The following ATP8B1 variants were observed in gnomAD, a reference collection of about 807,000 sequenced individuals.
ATP8B1 encodes the protein ATPase phospholipid transporting 8B1.
A neutral mutation model predicts 149.9 loss-of-function variants in ATP8B1; 80 were observed. The ratio of observed to expected loss-of-function variants is 0.53; its 90% CI spans 0.45 to 0.64. ATP8B1 has a LOEUF of 0.64. Ranked by LOEUF, ATP8B1 falls within the 30% of genes least tolerant of loss-of-function variation. ATP8B1 has a pLI of 0.00. For missense variants in ATP8B1, 1,247 were observed against 1,552.6 expected (o/e 0.80, Z 3.31); for synonymous variants, 536 against 562.8 (o/e 0.95, Z 0.67).
At chr18:57,709,997 C>CTT (rs60041581) in intron 2 of ATP8B1, among the ~76,000 whole-genome samples, 13 of 141,846 alleles carry the variant, frequency 9.2e-5, no homozygotes, top group East Asian at 4.1e-4. Context: ...CTTTTCTTTT[C>CTT]TTTTTTTTTT....
chr18:57,740,429 G>A (rs990430435), intron 1 of ATP8B1: 4 of 151,748 alleles, frequency 2.6e-5, no homozygotes, highest in Admixed American at 2.0e-4. Flanking sequence ...TATGCTATAC[G>A]TGTTTCTTAT....
intron 26 of ATP8B1, 28 bp downstream of exon 26, chr18:57,652,006 T>C: frequency 1.2e-6 from 2 of 1,602,748 alleles, no homozygotes; most frequent in Non-Finnish European, 1.7e-6. Context: ...TGTCTGTACA[T>C]TTATTTTTGG....
At chr18:57,751,453 T>TG (rs2080018188) in intron 1 of ATP8B1, among the ~76,000 whole-genome samples, 1 of 134,270 alleles carries the variant, frequency 7.4e-6, no homozygotes, top group African/African-American at 2.6e-5. Context: ...GATGCTGTCT[T>TG]GAAAAAAAAA....
rs944236457 is a variant in ATP8B1 at position 57,711,079 on chromosome 18, A to T, written c.182-4492T>A. Among the ~76,000 whole-genome samples, 10 of 152,314 alleles carry T rather than the reference A, an allele frequency of 6.6e-5. No homozygotes were observed. The East Asian group carries it at 1.7e-3, about 26-fold the overall frequency. On this transcript the variant is annotated intron_variant, in intron 2 of 27. Transcript: ENST00000648908. ...GGATGACATTCTAGGTTCAAAAGAG[A>T]GCAGAGAAACAGACACTCTGAGGTA...
At chr18:57,695,947 T>G (rs531357956) in intron 8 of ATP8B1, among the ~76,000 whole-genome samples, 1 of 152,194 alleles carries the variant, frequency 6.6e-6, no homozygotes, top group Non-Finnish European at 1.5e-5. Flanking sequence ...TTTTCCAGAG[T>G]GAATAACTGG....
At chr18:57,779,228 T>C (rs1367614064) in intron 1 of ATP8B1, among the ~76,000 whole-genome samples, 1 of 151,778 alleles carries the variant, frequency 6.6e-6, no homozygotes, top group Non-Finnish European at 1.5e-5. Context: ...AGTGAGAGGA[T>C]TGCTTGAGCC....
At chr18:57,680,508 C>T (rs1451006567) in intron 15 of ATP8B1, among the ~76,000 whole-genome samples, 7 of 151,020 alleles carry the variant, frequency 4.6e-5, no homozygotes, top group South Asian at 2.1e-4. Flanking sequence ...TGATTAAACC[C>T]GGGAGACGGA....
intron 14 of ATP8B1, 46 bp downstream of exon 14, chr18:57,685,026 T>C (rs771543188): frequency 1.2e-6 from 2 of 1,608,078 alleles, no homozygotes; most frequent in Non-Finnish European, 1.7e-6. Context: ...GCTGGGACCC[T>C]GACATCCCCA....
At chr18:57,680,818 C>T (rs1177721068) in intron 15 of ATP8B1, among the ~76,000 whole-genome samples, 1 of 152,060 alleles carries the variant, frequency 6.6e-6, no homozygotes, top group Non-Finnish European at 1.5e-5. Flanking sequence ...GACTCTCACA[C>T]CCGTGATGCG....
Position 57,654,924 on chromosome 18 carries a change from C to T in ATP8B1, c.2931+270G>A, listed in dbSNP as rs369816150. Reference sequence around the variant, plus strand: ...CTGATCTCAAACTCCCGACTTCAGGCGATCCACCTGCCTCAGCCTCCCAAA... The same window carrying T: ...CTGATCTCAAACTCCCGACTTCAGGTGATCCACCTGCCTCAGCCTCCCAAA... On this transcript the variant is annotated intron_variant, in intron 23 of 27. Coordinates refer to ENST00000648908, the MANE Select transcript of ATP8B1 (RefSeq NM_001374385.1). 1.0e-4 allele frequency among the ~76,000 whole-genome samples: 15 copies of T among 148,310 alleles called. No individual in the cohort carries two copies. The East Asian group carries it at 1.4e-3, about 14-fold the overall frequency.
intron 3 of ATP8B1, among the ~76,000 whole-genome samples, chr18:57,705,018 A>T (rs1913319412): frequency 6.6e-6 from 1 of 152,196 alleles, no homozygotes; most frequent in Non-Finnish European, 1.5e-5. Flanking sequence ...AGGGAGGCAG[A>T]AGTTGCAGAT....
intron 27 of ATP8B1, 146 bp downstream of exon 27, chr18:57,650,221 G>A: frequency 9.6e-7 from 1 of 1,037,368 alleles, no homozygotes. Context: ...AGACTTATTT[G>A]TGAGATAGAG....
At chr18:57,757,584 A>G (rs1363210854) in intron 1 of ATP8B1, among the ~76,000 whole-genome samples, 1 of 152,152 alleles carries the variant, frequency 6.6e-6, no homozygotes, top group Non-Finnish European at 1.5e-5. Flanking sequence ...TATTTCAGAA[A>G]TCAGTTCATA....
intron 1 of ATP8B1, among the ~76,000 whole-genome samples, chr18:57,767,972 T>C (rs1662654921): frequency 6.6e-6 from 1 of 152,072 alleles, no homozygotes; most frequent in African/African-American, 2.4e-5. Flanking sequence ...CATACAAATA[T>C]ATACACAGAG....
intron 1 of ATP8B1, among the ~76,000 whole-genome samples, chr18:57,794,943 T>C (rs889809870): frequency 5.9e-5 from 9 of 152,238 alleles, no homozygotes; most frequent in African/African-American, 1.9e-4. Context: ...CTTATTTCCA[T>C]GCTACTCTGG....
chr18:57,673,436 C>T (rs1911389560), intron 16 of ATP8B1, among the ~76,000 whole-genome samples: 1 of 151,946 alleles, frequency 6.6e-6, no homozygotes. Context: ...TGCTTCTGTT[C>T]TTAGGAAATA....
chr18:57,782,246 CA>C (rs147526115), intron 1 of ATP8B1, among the ~76,000 whole-genome samples: 3,619 of 152,342 alleles, frequency 0.024, 149 homozygotes, highest in African/African-American at 0.083. Flanking sequence ...TTGCCAGCAG[CA>C]AATAACTACA....
chr18:57,796,911 A>T (rs2123469216), intron 1 of ATP8B1, among the ~76,000 whole-genome samples: 2 of 152,316 alleles, frequency 1.3e-5, no homozygotes, highest in South Asian at 4.1e-4. Context: ...TTGTCTTCCC[A>T]AAGTGCTGGG....
intron 3 of ATP8B1, 145 bp from the exon 4 acceptor site, chr18:57,704,813 G>A: frequency 1.5e-6 from 1 of 672,574 alleles, no homozygotes; most frequent in Non-Finnish European, 2.7e-6. Flanking sequence ...TCTGGGTGCG[G>A]TGGCTTATGC....
Sources: gnomAD v4.1 joint callset for allele counts (sites outside exome capture counted in the v4.1 genomes callset) on GRCh38, gnomAD v4.1.1 for gene constraint, MANE v1.5 for transcripts, NCBI Gene and HGNC (gene_info 2026-07-23, HGNC 2026-07-21) for gene names.